SPINK9: variants seen among roughly 807,000 people sequenced by gnomAD.
SPINK9 encodes serine peptidase inhibitor Kazal type 9, also known as serine protease inhibitor Kazal-type 9.
Under a neutral mutation model 10.8 loss-of-function variants are expected in SPINK9, and 3 were observed. The observed-to-expected ratio is 0.28, with a 90% CI of 0.13 to 0.72. SPINK9 has a LOEUF of 0.72. SPINK9 is among the 30% of genes least tolerant of loss of function. SPINK9 has a pLI of 0.74. For missense variants in SPINK9, 101 were observed against 103.2 expected (o/e 0.98, Z 0.09); for synonymous variants, 30 against 31.2 (o/e 0.96, Z 0.12).
intron 2 of SPINK9, among the ~76,000 whole-genome samples, chr5:148,338,042 TTAAAATGATAGTAGTTATCCC>T (rs1319575599): frequency 1.3e-5 from 2 of 152,114 alleles, no homozygotes; most frequent in African/African-American, 4.8e-5. Context: ...GTACTAGTCA[TTAAAATGATAGTAGTTATCCC>T]TACATTTCAC....
intron 2 of SPINK9, among the ~76,000 whole-genome samples, chr5:148,324,383 T>C (rs1757032603): frequency 1.3e-5 from 2 of 152,098 alleles, no homozygotes; most frequent in South Asian, 4.1e-4. Context: ...TTATTAATTA[T>C]GAAAGAAGAG....
At chr5:148,335,435 G>T, upstream of SPINK9, 6 of 531,378 alleles carry the variant, frequency 1.1e-5, 1 homozygote, top group South Asian at 1.6e-4. Flanking sequence ...CACAAGAAAA[G>T]AATCCCCATG....
At chr5:148,332,695 T>C (rs1033322128), upstream of SPINK9, among the ~76,000 whole-genome samples, 5 of 152,218 alleles carry the variant, frequency 3.3e-5, no homozygotes, top group African/African-American at 1.2e-4. Flanking sequence ...GAAAATACCA[T>C]GGACTATTCT....
chr5:148,339,810 C>A lies in SPINK9; in HGVS notation c.*98C>A. The A allele has an allele frequency of 1.1e-6, 1 of 949,866 alleles. No individual in the cohort carries two copies. Among genetic ancestry groups the A allele is most frequent in the Non-Finnish European group, 1.6e-6 (1 of 608,138 alleles). The allele number at this position is 949,866 out of a possible 1,614,324, so 58.8% of individuals were successfully genotyped here. On this transcript the variant is annotated 3_prime_UTR_variant, in exon 4 of 4. Transcript: ENST00000377906. ...CTATGCCACATTGCCTACTCATCAC[C>A]ATATGTAGATTTCTTTGTAGAATAA...
upstream of SPINK9, among the ~76,000 whole-genome samples, chr5:148,333,370 G>T (rs1454910226): frequency 6.6e-6 from 1 of 152,234 alleles, no homozygotes; most frequent in South Asian, 2.1e-4. Context: ...GTGTTACACA[G>T]CATCTTTTAC....
upstream of SPINK9, among the ~76,000 whole-genome samples, chr5:148,333,992 T>C (rs1757183833): frequency 6.6e-6 from 1 of 152,222 alleles, no homozygotes; most frequent in South Asian, 2.1e-4. Context: ...CCTTTAATTC[T>C]AATATAATAG....
upstream of SPINK9, among the ~76,000 whole-genome samples, chr5:148,330,598 C>T (rs1757135735): frequency 6.6e-6 from 1 of 152,120 alleles, no homozygotes; most frequent in Non-Finnish European, 1.5e-5. Context: ...TTCTTCCTAG[C>T]CTTGATGGTC....
At chr5:148,336,524 A>AG in intron 2 of SPINK9, 71 bp downstream of exon 2, 1 of 1,424,878 alleles carries the variant, frequency 7.0e-7, no homozygotes, top group Non-Finnish European at 9.8e-7. Flanking sequence ...GATACTACAC[A>AG]GTAATTAAAT....
intron 2 of SPINK9, among the ~76,000 whole-genome samples, chr5:148,329,264 G>T (rs935399448): frequency 1.3e-5 from 2 of 152,078 alleles, no homozygotes; most frequent in African/African-American, 2.4e-5. Flanking sequence ...ATTTATCCCT[G>T]TCTTCTAGAT....
intron 2 of SPINK9, among the ~76,000 whole-genome samples, chr5:148,324,578 TCAGA>T (rs1757035347): frequency 6.6e-6 from 1 of 152,024 alleles, no homozygotes; most frequent in Non-Finnish European, 1.5e-5. Flanking sequence ...TTATGAGATA[TCAGA>T]CAAACTCAAA....
intron 2 of SPINK9, among the ~76,000 whole-genome samples, chr5:148,328,595 A>G (rs1757102788): frequency 1.3e-5 from 2 of 152,168 alleles, no homozygotes; most frequent in Non-Finnish European, 2.9e-5. Context: ...TTCAAAGGGA[A>G]TGCTTCCAGT....
upstream of SPINK9, among the ~76,000 whole-genome samples, chr5:148,334,253 TG>T (rs1340328762): frequency 6.6e-6 from 1 of 151,552 alleles, no homozygotes; most frequent in African/African-American, 2.4e-5. Context: ...TATTAAGAAT[TG>T]GGGGGGATGA....
intron 1 of SPINK9, among the ~76,000 whole-genome samples, chr5:148,323,080 C>A (rs1401166158): frequency 6.6e-6 from 1 of 152,020 alleles, no homozygotes; most frequent in Non-Finnish European, 1.5e-5. Context: ...CAGAACAGAA[C>A]ATGCATATTT....
intron 2 of SPINK9, among the ~76,000 whole-genome samples, chr5:148,337,404 A>G (rs1486923243): frequency 6.6e-6 from 1 of 152,164 alleles, no homozygotes; most frequent in Non-Finnish European, 1.5e-5. Flanking sequence ...ATGGAAGCTG[A>G]TGAATGAATG....
At chr5:148,331,233 C>A (rs1221288986), upstream of SPINK9, among the ~76,000 whole-genome samples, 1 of 152,176 alleles carries the variant, frequency 6.6e-6, no homozygotes, top group Admixed American at 6.5e-5. Context: ...TTGGCTCCAC[C>A]CCTCTAGAGG....
intron 2 of SPINK9, 92 bp downstream of exon 2, chr5:148,336,545 T>C: frequency 7.5e-7 from 1 of 1,332,550 alleles, no homozygotes; most frequent in South Asian, 1.2e-5. Context: ...TTCTATATGT[T>C]TGAATATTTA....
intron 3 of SPINK9, 70 bp from the exon 4 acceptor site, chr5:148,339,596 GT>G: frequency 7.3e-7 from 1 of 1,364,054 alleles, no homozygotes; most frequent in Non-Finnish European, 1.0e-6. Flanking sequence ...GGATTCATTA[GT>G]GAAGTTTGGA....
chr5:148,324,870 T>C (rs1207179947), intron 2 of SPINK9, among the ~76,000 whole-genome samples: 1 of 152,042 alleles, frequency 6.6e-6, no homozygotes, highest in Non-Finnish European at 1.5e-5. Context: ...TCATCACCGC[T>C]ATCTAATGCC....
At chr5:148,327,076 G>A (rs1026699097) in intron 2 of SPINK9, among the ~76,000 whole-genome samples, 4 of 152,204 alleles carry the variant, frequency 2.6e-5, no homozygotes, top group East Asian at 1.9e-4. Flanking sequence ...CTAGATCCCC[G>A]AGGAATCGCC....
Sources: allele counts gnomAD v4.1 joint callset (sites outside exome capture counted in the v4.1 genomes callset), GRCh38; gene constraint gnomAD v4.1.1; transcripts MANE v1.5; gene names NCBI Gene and HGNC (gene_info 2026-07-23, HGNC 2026-07-21).